Variants in RPS6KA2 observed in about 807,000 individuals in gnomAD.
The protein encoded by RPS6KA2 is ribosomal protein S6 kinase alpha-2.
A neutral mutation model predicts 91.8 loss-of-function variants in RPS6KA2; 42 were observed. That is an observed-to-expected ratio of 0.46 (90% CI 0.36 to 0.59). The LOEUF is 0.59. Ranked by LOEUF, RPS6KA2 falls within the 20% of genes least tolerant of loss-of-function variation. The pLI is 0.00. For missense variants in RPS6KA2, 798 were observed against 978.5 expected (o/e 0.82, Z 2.46); for synonymous variants, 414 against 393.6 (o/e 1.05, Z -0.61).
At chr6:166,701,573 G>C in intron 2 of RPS6KA2, 3 of 1,422,270 alleles carry the variant, frequency 2.1e-6, no homozygotes, top group Non-Finnish European at 3.0e-6. Flanking sequence ...TTGCTGATGA[G>C]GGCTCTGACT....
At chr6:166,591,511 A>G (rs1229221774) in intron 1 of RPS6KA2, among the ~76,000 whole-genome samples, 1 of 152,166 alleles carries the variant, frequency 6.6e-6, no homozygotes, top group Non-Finnish European at 1.5e-5. Context: ...ATCCAAGATG[A>G]CTGGATGACC....
intron 1 of RPS6KA2, among the ~76,000 whole-genome samples, chr6:166,581,143 G>A (rs1012312898): frequency 1.3e-5 from 2 of 152,058 alleles, no homozygotes; most frequent in Non-Finnish European, 2.9e-5. Flanking sequence ...TGCCCGCCTC[G>A]GCCTCCCAAA....
Position 166,508,384 on chromosome 6 carries a change from G to T in RPS6KA2, c.380-102C>A, listed in dbSNP as rs950906540. The T allele has an allele frequency of 1.0e-5, 8 of 769,828 alleles. No homozygotes were observed. In the African/African-American group the frequency reaches 1.2e-4, roughly 12 times the overall value. The allele number at this position is 769,828 out of a possible 1,614,324, so 47.7% of individuals were successfully genotyped here. ...CTCACGGTGCTGCTTACTCCGGGAG[G>T]CTGAGTCACTTGAGAAACGGCAGGA... On this transcript the variant is annotated intron_variant, in intron 4 of 20. Coordinates refer to ENST00000265678, the MANE Select transcript of RPS6KA2 (RefSeq NM_021135.6). This position sits in a 1 kb window ranked among gnomAD's most constrained non-coding sequence, Gnocchi z 4.3.
intron 1 of RPS6KA2, among the ~76,000 whole-genome samples, chr6:166,599,591 C>T (rs1040054732): frequency 6.6e-6 from 1 of 152,182 alleles, no homozygotes; most frequent in Non-Finnish European, 1.5e-5. Context: ...CAGCAGGTCA[C>T]TTGCAGGATG....
At chr6:166,743,690 G>A (rs184239642) in intron 2 of RPS6KA2, among the ~76,000 whole-genome samples, 11 of 152,338 alleles carry the variant, frequency 7.2e-5, no homozygotes, top group African/African-American at 2.4e-4. Flanking sequence ...CCCTGGCGGC[G>A]CCATGCATCC....
At chr6:166,830,185 A>G (rs1168066420) in intron 2 of RPS6KA2, among the ~76,000 whole-genome samples, 2 of 151,840 alleles carry the variant, frequency 1.3e-5, no homozygotes, top group Non-Finnish European at 2.9e-5. Flanking sequence ...ATTTTCACAC[A>G]TGCTACAACA....
intron 2 of RPS6KA2, among the ~76,000 whole-genome samples, chr6:166,690,766 G>A (rs967607620): frequency 2.0e-5 from 3 of 152,058 alleles, no homozygotes; most frequent in South Asian, 4.2e-4. Context: ...TAAAACGGAC[G>A]TACACCATCT....
intron 2 of RPS6KA2, among the ~76,000 whole-genome samples, chr6:166,836,758 T>G (rs1462542626): frequency 6.6e-6 from 1 of 152,164 alleles, no homozygotes; most frequent in African/African-American, 2.4e-5. Context: ...GTTTGTTTGT[T>G]TTGGTATGTG....
chr6:166,659,257 C>T (rs1259547062), intron 2 of RPS6KA2, among the ~76,000 whole-genome samples: 1 of 152,182 alleles, frequency 6.6e-6, no homozygotes, highest in Non-Finnish European at 1.5e-5. Context: ...AAAATTAAAA[C>T]TGTGTGGAAT....
intron 2 of RPS6KA2, among the ~76,000 whole-genome samples, chr6:166,643,248 A>G (rs1328388884): frequency 6.6e-6 from 1 of 152,212 alleles, no homozygotes; most frequent in African/African-American, 2.4e-5. Context: ...CAAAATATGT[A>G]AAAAAATAAA....
intron 14 of RPS6KA2, among the ~76,000 whole-genome samples, chr6:166,439,096 TA>T (rs1779435756): frequency 1.4e-5 from 1 of 73,960 alleles, no homozygotes; most frequent in Non-Finnish European, 3.3e-5. Flanking sequence ...TTCTTGTCTT[TA>T]TTTTTAATTA....
At chr6:166,686,936 A>C (rs1045683024) in intron 2 of RPS6KA2, among the ~76,000 whole-genome samples, 3 of 152,232 alleles carry the variant, frequency 2.0e-5, no homozygotes, top group Non-Finnish European at 4.4e-5. Context: ...GTGAGGGGAG[A>C]ATAGGATCGA....
rs34259662 is a variant in RPS6KA2, at chr6:166,490,730, G to A, written c.759C>T (p.Leu253=). The A allele has an allele frequency of 4.9e-3, 7,900 of 1,612,360 alleles. 335 individuals carry two copies. In the African/African-American group the frequency reaches 0.09, roughly 18 times the overall value. ...WSFGVLMFEM[L]TGSLPFQGKD... is the part of the protein sequence containing the mutation. ...TCCCCTGGAACGGCAGGGACCCCGT[G>A]AGCATCTCAAACTGCAGAGCAACAC... Residue 253 remains leucine (L), a synonymous_variant, in exon 9 of 21, where the codon CTC becomes CTT. Transcript: ENST00000265678. The surrounding 1 kb of genome is among the most constrained non-coding windows in gnomAD (Gnocchi z 4.2).
At chr6:166,815,720 G>C (rs149583380) in intron 2 of RPS6KA2, among the ~76,000 whole-genome samples, 2 of 152,158 alleles carry the variant, frequency 1.3e-5, no homozygotes, top group East Asian at 1.9e-4. Context: ...GAATTAAAGA[G>C]GAAGAGACAA....
chr6:166,464,648 C>A (rs991047911), intron 11 of RPS6KA2, among the ~76,000 whole-genome samples: 27 of 152,274 alleles, frequency 1.8e-4, no homozygotes, highest in African/African-American at 6.5e-4. Context: ...TTAACTTTTA[C>A]GAAGCTTTTT....
In RPS6KA2 at chr6:166,768,612, A is replaced by G. The variant is rs541397669; in HGVS notation, c.123+89588T>C. On this transcript the variant is annotated intron_variant, in intron 2 of 21. Transcript: ENST00000503859. ...TAAAAAATATGTACAGAGAGAGGTGAGTAGGGAGGGAGAGAGAGAGGAAAA... is the reference window on the plus strand; with the variant it reads ...TAAAAAATATGTACAGAGAGAGGTGGGTAGGGAGGGAGAGAGAGAGGAAAA... Among the ~76,000 whole-genome samples, 27 of 152,274 alleles carry G rather than the reference A, an allele frequency of 1.8e-4. 2 individuals carry two copies. In the East Asian group the frequency reaches 5.0e-3, roughly 28 times the overall value.
chr6:166,701,269 A>G (rs563370051), intron 2 of RPS6KA2: 37 of 1,612,268 alleles, frequency 2.3e-5, no homozygotes, highest in Non-Finnish European at 3.1e-5. Flanking sequence ...ACAAGGGACA[A>G]CAACTTCTGC....
At chr6:166,506,891 G>A (rs190599999) in intron 5 of RPS6KA2, among the ~76,000 whole-genome samples, 36 of 152,268 alleles carry the variant, frequency 2.4e-4, no homozygotes, top group Admixed American at 1.6e-3. Flanking sequence ...CGGAAAGCCC[G>A]GCACTGGCAC....
intron 2 of RPS6KA2, among the ~76,000 whole-genome samples, chr6:166,729,816 A>G (rs1790457500): frequency 6.6e-6 from 1 of 152,118 alleles, no homozygotes; most frequent in Non-Finnish European, 1.5e-5. Flanking sequence ...TCTTATTTAT[A>G]TTCCCCTGTA....
Sources: allele counts gnomAD v4.1 joint callset (sites outside exome capture counted in the v4.1 genomes callset), GRCh38; gene constraint gnomAD v4.1.1; non-coding constraint Gnocchi (gnomAD v3.1); transcripts MANE v1.5; gene names NCBI Gene and HGNC (gene_info 2026-07-23, HGNC 2026-07-21).